The following TSHZ2 variants were observed in gnomAD, a reference collection of about 807,000 sequenced individuals.
TSHZ2 encodes teashirt zinc finger homeobox 2, also known as teashirt homolog 2.
Under a neutral mutation model 74.4 loss-of-function variants are expected in TSHZ2, and 21 were observed. The ratio of observed to expected loss-of-function variants is 0.28; its 90% CI spans 0.20 to 0.41. TSHZ2 has a LOEUF of 0.41. Ranked by LOEUF, TSHZ2 falls within the 10% of genes least tolerant of loss-of-function variation. The pLI is 1.00. For missense variants in TSHZ2, 1,244 were observed against 1,293.5 expected (o/e 0.96, Z 0.59); for synonymous variants, 540 against 515.3 (o/e 1.05, Z -0.65).
At chr20:53,453,056 A>C (rs2145787781) in intron 2 of TSHZ2, 1 of 152,340 alleles carries the variant, frequency 6.6e-6, no homozygotes, top group South Asian at 2.1e-4. Context: ...ACAAGGCTCC[A>C]TGTGATCTCT....
chr20:53,119,115 A>G (rs1269488595), intron 1 of TSHZ2, among the ~76,000 whole-genome samples: 1 of 152,122 alleles, frequency 6.6e-6, no homozygotes, highest in East Asian at 1.9e-4. Flanking sequence ...CACCTCCAAC[A>G]CTGGGGATTA....
intron 1 of TSHZ2, chr20:53,179,049 CTCTTT>C (rs1375160025): frequency 1.3e-5 from 2 of 152,076 alleles, no homozygotes; most frequent in African/African-American, 4.8e-5. Context: ...GTTGGTCAAA[CTCTTT>C]TCTTTTTAGT....
intron 1 of TSHZ2, among the ~76,000 whole-genome samples, chr20:53,084,805 T>C (rs1295117465): frequency 6.6e-6 from 1 of 151,886 alleles, no homozygotes; most frequent in Non-Finnish European, 1.5e-5. Flanking sequence ...TACTTTTTTA[T>C]GCAAGTGCCT....
In TSHZ2 at chr20:53,144,927, G is replaced by A. The variant is rs1026141600; in HGVS notation, c.41-108572G>A. ...TTTAAAACTTTCTCTTCAAAGAATT[G>A]AGTCCAGATATAATAATTCACACCA... On this transcript the variant is annotated intron_variant, in intron 1 of 2. Coordinates refer to ENST00000371497, the MANE Select transcript of TSHZ2 (RefSeq NM_173485.6). Among the ~76,000 whole-genome samples the A allele has an allele frequency of 5.9e-5, 9 of 152,080 alleles. No homozygotes were observed. In the East Asian group the frequency reaches 1.5e-3, roughly 26 times the overall value.
chr20:53,218,270 C>T (rs1989479835), intron 1 of TSHZ2, among the ~76,000 whole-genome samples: 1 of 152,236 alleles, frequency 6.6e-6, no homozygotes. Context: ...GCACCAACCA[C>T]ATGGTCTCAG....
chr20:53,236,284 T>C (rs1989936866), intron 1 of TSHZ2, among the ~76,000 whole-genome samples: 1 of 152,242 alleles, frequency 6.6e-6, no homozygotes, highest in Non-Finnish European at 1.5e-5. Flanking sequence ...TTATTATGAA[T>C]TGAACAAGTG....
chr20:53,260,049 T>A (rs979461038), intron 2 of TSHZ2, among the ~76,000 whole-genome samples: 1 of 149,930 alleles, frequency 6.7e-6, no homozygotes, highest in Non-Finnish European at 1.5e-5. Flanking sequence ...TTCCCTTCTT[T>A]CCTTCCTTCC....
intron 1 of TSHZ2, among the ~76,000 whole-genome samples, chr20:53,034,750 A>C (rs543202084): frequency 6.6e-6 from 1 of 152,212 alleles, no homozygotes; most frequent in African/African-American, 2.4e-5. Context: ...TGTTTGCTCC[A>C]GGGTTCTTTT....
At chr20:53,314,121 C>A (rs540322014) in intron 2 of TSHZ2, among the ~76,000 whole-genome samples, 1 of 151,974 alleles carries the variant, frequency 6.6e-6, no homozygotes, top group Non-Finnish European at 1.5e-5. Context: ...AACCCCATCT[C>A]TACTAAAAAT....
At position 53,099,289 on chromosome 20, in the gene TSHZ2, A is replaced by C. The variant is rs546411679; in HGVS notation, c.40+125956A>C. Among the ~76,000 whole-genome samples the C allele has an allele frequency of 3.2e-4, 48 of 152,274 alleles. 1 individual carries two copies. Among genetic ancestry groups the C allele is most frequent in the Middle Eastern group, 3.4e-3 (1 of 294 alleles). On this transcript the variant is annotated intron_variant, in intron 1 of 2. Transcript: ENST00000371497. ...TGTCCCAATTCTCAATTTAATAGTA[A>C]AAGTCATAAACCCTATTATTATTAT...
chr20:53,262,218 C>CT (rs11445157), intron 2 of TSHZ2, among the ~76,000 whole-genome samples: 46,230 of 149,648 alleles, frequency 0.31, 7,080 homozygotes, highest in South Asian at 0.36. Context: ...TTCTCTTTGT[C>CT]TTTTTCTTTT....
At chr20:53,449,859 G>A (rs143939201) in intron 2 of TSHZ2, among the ~76,000 whole-genome samples, 139 of 152,264 alleles carry the variant, frequency 9.1e-4, no homozygotes, top group African/African-American at 3.2e-3. Context: ...AGCCTCCAGA[G>A]CACCATTTAC....
At chr20:53,084,725 C>T (rs538876295) in intron 1 of TSHZ2, among the ~76,000 whole-genome samples, 2 of 130,228 alleles carry the variant, frequency 1.5e-5, no homozygotes, top group South Asian at 2.7e-4. Context: ...TTCCCTCCCT[C>T]CCTTCCTTCC....
intron 1 of TSHZ2, among the ~76,000 whole-genome samples, chr20:53,094,644 A>G (rs1184273891): frequency 2.0e-5 from 3 of 152,184 alleles, no homozygotes; most frequent in Non-Finnish European, 4.4e-5. Flanking sequence ...CCTTCCACAC[A>G]GCGTGCTGAG....
chr20:53,150,905 A>C (rs1332353446), intron 1 of TSHZ2, among the ~76,000 whole-genome samples: 1 of 152,204 alleles, frequency 6.6e-6, no homozygotes, highest in Admixed American at 6.5e-5. Context: ...ATCCTTTCAA[A>C]ATAAGTTTTC....
chr20:53,096,378 A>T (rs1986047172), intron 1 of TSHZ2, among the ~76,000 whole-genome samples: 1 of 152,076 alleles, frequency 6.6e-6, no homozygotes, highest in Non-Finnish European at 1.5e-5. Context: ...CCTGAGCTCA[A>T]GTGATCCACT....
At chr20:53,398,867 G>C (rs2145674498) in intron 2 of TSHZ2, 1 of 152,278 alleles carries the variant, frequency 6.6e-6, no homozygotes, top group East Asian at 1.9e-4. Flanking sequence ...GATTCCGGAA[G>C]ATTAAATATT....
intron 2 of TSHZ2, among the ~76,000 whole-genome samples, chr20:53,301,566 T>C (rs1479159903): frequency 6.6e-6 from 1 of 152,166 alleles, no homozygotes; most frequent in Admixed American, 6.5e-5. Context: ...AACTAAGCCT[T>C]TAATATTTAT....
At chr20:53,225,701 C>T (rs1989669214) in intron 1 of TSHZ2, among the ~76,000 whole-genome samples, 3 of 152,204 alleles carry the variant, frequency 2.0e-5, no homozygotes, top group African/African-American at 7.2e-5. Context: ...CCTAAAATCA[C>T]ACCGCTTGTT....
Sources: gnomAD v4.1 joint callset for allele counts (sites outside exome capture counted in the v4.1 genomes callset) on GRCh38, gnomAD v4.1.1 for gene constraint, MANE v1.5 for transcripts, NCBI Gene and HGNC (gene_info 2026-07-23, HGNC 2026-07-21) for gene names.